Variants in EPHA5 observed in about 807,000 individuals in gnomAD.
EPHA5 encodes the protein ephrin type-A receptor 5.
EPHA5 carries 60 observed loss-of-function variants against 105.0 expected under a neutral mutation model. The ratio of observed to expected loss-of-function variants is 0.57; its 90% CI spans 0.46 to 0.71. EPHA5 has a LOEUF of 0.71. Ranked by LOEUF, EPHA5 falls within the 30% of genes least tolerant of loss-of-function variation. The pLI is 0.00. For missense variants in EPHA5, 1,218 were observed against 1,274.7 expected (o/e 0.96, Z 0.68); for synonymous variants, 513 against 449.1 (o/e 1.14, Z -1.80).
intron 2 of EPHA5, among the ~76,000 whole-genome samples, chr4:65,609,175 G>A (rs1413314874): frequency 6.6e-6 from 1 of 152,042 alleles, no homozygotes; most frequent in Non-Finnish European, 1.5e-5. Flanking sequence ...TTCTGTTTTA[G>A]AAATTCAAAT....
intron 2 of EPHA5, among the ~76,000 whole-genome samples, chr4:65,619,258 T>C (rs1745507224): frequency 6.6e-6 from 1 of 152,190 alleles, no homozygotes; most frequent in African/African-American, 2.4e-5. Context: ...AATAAACAAT[T>C]TAATATTCCC....
chr4:65,356,332 T>C (rs1723292290), intron 11 of EPHA5, among the ~76,000 whole-genome samples: 1 of 151,480 alleles, frequency 6.6e-6, no homozygotes, highest in South Asian at 2.1e-4. Context: ...CTGAGTAGGA[T>C]TTAGATGGAA....
At chr4:65,381,311 G>A (rs1003042732) in intron 8 of EPHA5, among the ~76,000 whole-genome samples, 19 of 151,626 alleles carry the variant, frequency 1.3e-4, no homozygotes, top group African/African-American at 4.4e-4. Flanking sequence ...TAAAAATTAG[G>A]TAAAAATCGG....
intron 5 of EPHA5, among the ~76,000 whole-genome samples, chr4:65,431,516 T>G (rs1163078906): frequency 6.6e-6 from 1 of 152,100 alleles, no homozygotes; most frequent in East Asian, 1.9e-4. Flanking sequence ...AAAACATCTC[T>G]TTCTCCATCT....
At chr4:65,427,772 T>C (rs1724586314) in intron 5 of EPHA5, among the ~76,000 whole-genome samples, 3 of 152,202 alleles carry the variant, frequency 2.0e-5, no homozygotes, top group African/African-American at 7.2e-5. Flanking sequence ...TAAGATGAAA[T>C]AGTATTGGCA....
rs769732424 is a variant in EPHA5 at position 65,602,036 on chromosome 4, A to G, written c.515T>C (p.Ile172Thr). The change falls in exon 3 of 17, where the codon ATC (isoleucine) becomes ACC (threonine). Residue 172 changes from isoleucine to threonine, a missense_variant. By Grantham distance (89) the Ile-to-Thr change is moderately conservative. This residue lies in a region of EPHA5 where 233 missense variants were observed against 227.5 expected (regional missense o/e 1.02). Transcript: ENST00000613740. ...NGRNIKENQY[I>T]KIDTIAADES... is the part of the protein sequence containing the mutation. ...ATCGGCAGCAATGGTATCAATTTTG[A>G]TGTATTGGTTTTCCTTGATGTTTCT... 1 of 1,614,078 alleles carries G rather than the reference A, an allele frequency of 6.2e-7. No individual in the cohort carries two copies. Among genetic ancestry groups the G allele is most frequent in the Non-Finnish European group, 8.5e-7 (1 of 1,180,012 alleles).
intron 3 of EPHA5, among the ~76,000 whole-genome samples, chr4:65,580,797 T>TG (rs1280719460): frequency 6.6e-6 from 1 of 151,160 alleles, no homozygotes; most frequent in Non-Finnish European, 1.5e-5. Context: ...TTACTTTTTT[T>TG]TTTTTTACTT....
intron 3 of EPHA5, among the ~76,000 whole-genome samples, chr4:65,510,948 CT>C (rs1463971094): frequency 6.6e-6 from 1 of 152,040 alleles, no homozygotes; most frequent in Non-Finnish European, 1.5e-5. Context: ...GCTCTTGTGC[CT>C]TATAAGAAGA....
At position 65,506,526 on chromosome 4, in the gene EPHA5, T is replaced by A. The variant is rs548605565; in HGVS notation, c.911-10983A>T. ...TCCAGCACCTGTTGTTTCCTGACTTTTTAATGATCGCCATTCTAACTGATG... is the reference window on the plus strand; with the variant it reads ...TCCAGCACCTGTTGTTTCCTGACTTATTAATGATCGCCATTCTAACTGATG... On this transcript the variant is annotated intron_variant, in intron 3 of 16. Transcript: ENST00000613740. Among the ~76,000 whole-genome samples, 53 of 145,636 alleles carry A rather than the reference T, an allele frequency of 3.6e-4. 6 individuals carry two copies. The highest frequency in any genetic ancestry group is 1.2e-4 in the Non-Finnish European group (8 of 65,894).
intron 2 of EPHA5, among the ~76,000 whole-genome samples, chr4:65,619,286 A>C (rs931869020): frequency 2.0e-5 from 3 of 152,252 alleles, no homozygotes; most frequent in Non-Finnish European, 4.4e-5. Context: ...TTGAAAAACT[A>C]TCTCTAACAG....
intron 8 of EPHA5, among the ~76,000 whole-genome samples, chr4:65,372,008 A>G (rs966537142): frequency 2.0e-5 from 3 of 151,984 alleles, no homozygotes; most frequent in African/African-American, 7.2e-5. Context: ...GCAACAAATT[A>G]CAGTGAACAT....
At chr4:65,641,368 A>AT (rs1272619433) in intron 2 of EPHA5, among the ~76,000 whole-genome samples, 5 of 152,148 alleles carry the variant, frequency 3.3e-5, no homozygotes, top group Admixed American at 1.3e-4. Context: ...TTCCAAAACA[A>AT]TTGACTCGAA....
intron 8 of EPHA5, among the ~76,000 whole-genome samples, chr4:65,377,660 C>T (rs1410578556): frequency 6.6e-6 from 1 of 151,854 alleles, no homozygotes; most frequent in Non-Finnish European, 1.5e-5. Flanking sequence ...ATTTTCAGAG[C>T]AGTTGCTATA....
chr4:65,342,876 T>C (rs556588583), intron 14 of EPHA5, among the ~76,000 whole-genome samples: 5 of 151,972 alleles, frequency 3.3e-5, no homozygotes, highest in African/African-American at 7.2e-5. Flanking sequence ...TGGAGTCAAA[T>C]AGTCTTTCTG....
chr4:65,583,798 A>C (rs922384808), intron 3 of EPHA5, among the ~76,000 whole-genome samples: 4 of 151,742 alleles, frequency 2.6e-5, no homozygotes, highest in Non-Finnish European at 5.9e-5. Flanking sequence ...CATGAAAAAG[A>C]AATTCTATTA....
chr4:65,487,295 A>T (rs1481843474), intron 5 of EPHA5, among the ~76,000 whole-genome samples: 1 of 152,130 alleles, frequency 6.6e-6, no homozygotes, highest in East Asian at 1.9e-4. Context: ...ATTCCTCGGG[A>T]TAGACTGAAC....
rs962452621 is a variant in EPHA5 at position 65,513,417 on chromosome 4, C to T, written c.911-17874G>A. On this transcript the variant is annotated intron_variant, in intron 3 of 16. Transcript: ENST00000613740. ...TTTTGTTTTTTCTGAGTTGGAGTCT[C>T]GCTCTGTCGCCCAGGCTGGAGTGCA... 2.6e-5 allele frequency among the ~76,000 whole-genome samples: 4 copies of T among 152,042 alleles called. No individual in the cohort carries two copies. The East Asian group carries it at 7.7e-4, about 29-fold the overall frequency.
In EPHA5 at chr4:65,628,231, T is replaced by G. The variant is rs75962486; in HGVS notation, c.246+15132A>C. The stretch of plus-strand genomic sequence containing the variant: ...ATGTCATAAATCTTCCATCTGAAAA[T>G]GTGGGGAGTCTTCATTTTAACATTT... On this transcript the variant is annotated intron_variant, in intron 2 of 16. Coordinates refer to ENST00000613740, the MANE Select transcript of EPHA5 (RefSeq NM_001281766.3). Among the ~76,000 whole-genome samples the G allele has an allele frequency of 8.5e-4, 129 of 152,228 alleles. 1 individual carries two copies. The East Asian group carries it at 0.023, about 27-fold the overall frequency.
At chr4:65,459,112 A>G (rs920354613) in intron 5 of EPHA5, among the ~76,000 whole-genome samples, 1 of 152,064 alleles carries the variant, frequency 6.6e-6, no homozygotes, top group Non-Finnish European at 1.5e-5. Context: ...CTTTCCTCTG[A>G]AGTTTAAACT....
Sources: allele counts gnomAD v4.1 joint callset (sites outside exome capture counted in the v4.1 genomes callset), GRCh38; gene constraint gnomAD v4.1.1; regional missense constraint gnomAD v4.1.1; transcripts MANE v1.5; gene names NCBI Gene and HGNC (gene_info 2026-07-23, HGNC 2026-07-21).